The following PCDHGA12 variants were observed in gnomAD, a reference collection of about 807,000 sequenced individuals.
The protein encoded by PCDHGA12 is protocadherin gamma-A12.
A neutral mutation model predicts 61.1 loss-of-function variants in PCDHGA12; 43 were observed. The ratio of observed to expected loss-of-function variants is 0.70; its 90% CI spans 0.55 to 0.91. The LOEUF (loss-of-function observed/expected upper bound fraction) is 0.91. PCDHGA12 is among the 40% of genes least tolerant of loss of function. The pLI, the probability that PCDHGA12 is intolerant of heterozygous loss-of-function variation, is 0.00. For synonymous variants in PCDHGA12, 520 were observed against 542.9 expected (o/e 0.96, Z 0.59); for missense variants, 1,236 against 1,227.7 (o/e 1.01, Z -0.10).
intron 2 of PCDHGA12, among the ~76,000 whole-genome samples, chr5:141,495,943 C>T (rs998665622): frequency 3.9e-5 from 6 of 152,010 alleles, no homozygotes; most frequent in African/African-American, 1.4e-4. Flanking sequence ...GTCTCTGTGC[C>T]TGTTGTCTTT....
intron 2 of PCDHGA12, among the ~76,000 whole-genome samples, chr5:141,497,175 A>T (rs2154592067): frequency 6.7e-6 from 1 of 150,262 alleles, no homozygotes; most frequent in East Asian, 1.9e-4. Context: ...AAATCACAGT[A>T]AGTTCTGAGA....
rs760680204 is a variant in PCDHGA12, at chr5:141,477,505, CG to C, written c.2425-17301del. ...CACAATCTTCTCAATCTTCCTACGA[CG>C]TTTACATTGAAGAAAACAACCTCCC... On this transcript the variant is annotated intron_variant, in intron 1 of 3. Coordinates refer to ENST00000252085, the MANE Select transcript of PCDHGA12 (RefSeq NM_003735.3). The surrounding 1 kb of genome is among the most constrained non-coding windows in gnomAD (Gnocchi z 4.9). The C allele has an allele frequency of 1.2e-5, 19 of 1,614,008 alleles. No individual in the cohort carries two copies. The highest frequency in any genetic ancestry group is 8.5e-7 in the Non-Finnish European group (1 of 1,180,018).
chr5:141,504,077 G>A (rs939470644), intron 2 of PCDHGA12, among the ~76,000 whole-genome samples: 3 of 152,124 alleles, frequency 2.0e-5, no homozygotes, highest in Non-Finnish European at 2.9e-5. Context: ...GCCAGATGGT[G>A]CCAAACAGTT....
intron 1 of PCDHGA12, among the ~76,000 whole-genome samples, chr5:141,456,303 G>A (rs941370138): frequency 6.6e-6 from 1 of 152,156 alleles, no homozygotes; most frequent in Non-Finnish European, 1.5e-5. Flanking sequence ...ATGGAGAACA[G>A]CAGCTAGGGC....
At chr5:141,497,129 T>G (rs528066007) in intron 2 of PCDHGA12, among the ~76,000 whole-genome samples, 1 of 151,692 alleles carries the variant, frequency 6.6e-6, no homozygotes, top group Admixed American at 6.6e-5. Flanking sequence ...GAGGTTGCAG[T>G]GAGCTGAGAT....
rs753051237 is a variant in PCDHGA12, at chr5:141,490,422, A to G, written c.2425-4385A>G. On this transcript the variant is annotated intron_variant, in intron 1 of 3. Coordinates refer to ENST00000252085, the MANE Select transcript of PCDHGA12 (RefSeq NM_003735.3). This position sits in a 1 kb window ranked among gnomAD's most constrained non-coding sequence, Gnocchi z 5.4. Reference sequence around the variant, plus strand: ...GCCTTGATATCTCTCCGGACCTGCCATTTCAGATTAAGCCTTCTGAGAACC... The same window carrying G: ...GCCTTGATATCTCTCCGGACCTGCCGTTTCAGATTAAGCCTTCTGAGAACC... 1 of 1,614,178 alleles carries G rather than the reference A, an allele frequency of 6.2e-7. No individual in the cohort carries two copies. The highest frequency in any genetic ancestry group is 1.7e-5 in the Admixed American group (1 of 60,030).
Position 141,496,980 on chromosome 5 carries a change from G to A in PCDHGA12, c.2483+2115G>A, listed in dbSNP as rs186715298. On this transcript the variant is annotated intron_variant, in intron 2 of 3. Coordinates refer to ENST00000252085, the MANE Select transcript of PCDHGA12 (RefSeq NM_003735.3). ...GTGGGTAGATCACTTGAGGTCAGGG[G>A]TTTGAGACCAGCCTGGCAGCCAACA... Among the ~76,000 whole-genome samples the A allele has an allele frequency of 1.6e-3, 236 of 152,074 alleles. 2 individuals are homozygous for A. Among genetic ancestry groups the A allele is most frequent in the South Asian group, 7.5e-3 (36 of 4,814 alleles).
chr5:141,459,285 A>G (rs1316912878), intron 1 of PCDHGA12, among the ~76,000 whole-genome samples: 1 of 152,202 alleles, frequency 6.6e-6, no homozygotes, highest in Non-Finnish European at 1.5e-5. Context: ...TTTCATCTAA[A>G]TGGAATCCTA....
At position 141,431,667 on chromosome 5, in the gene PCDHGA12, C is replaced by T. The variant is rs759257105; in HGVS notation, c.908C>T (p.Thr303Ile). ...KLDCNSGTISTIGELDHEESG... is the reference protein window; with the variant it reads ...KLDCNSGTISIIGELDHEESG... ...GATTGTAATTCAGGGACAATATCAA[C>T]AATAGGGGAGTTGGACCACGAGGAG... Residue 303 changes from threonine to isoleucine, a missense_variant, in exon 1 of 4, where the codon ACA (threonine) becomes ATA (isoleucine). Coordinates refer to ENST00000252085, the MANE Select transcript of PCDHGA12 (RefSeq NM_003735.3). This position sits in a 1 kb window ranked among gnomAD's most constrained non-coding sequence, Gnocchi z 4.8. 1 of 1,614,226 alleles carries T rather than the reference C, an allele frequency of 6.2e-7. No individual in the cohort carries two copies. The highest frequency in any genetic ancestry group is 1.3e-5 in the African/African-American group (1 of 75,072).
chr5:141,499,466 G>C (rs1337970911), intron 2 of PCDHGA12, among the ~76,000 whole-genome samples: 1 of 152,034 alleles, frequency 6.6e-6, no homozygotes, highest in African/African-American at 2.4e-5. Flanking sequence ...TTACAATCTA[G>C]GGAGAACCAC....
rs180741728 is a variant in PCDHGA12 at position 141,505,088 on chromosome 5, G to A, written c.2484-305G>A. Among the ~76,000 whole-genome samples the A allele has an allele frequency of 3.7e-3, 563 of 152,300 alleles. 5 individuals carry two copies. Among genetic ancestry groups the A allele is most frequent in the Admixed American group, 0.011 (163 of 15,294 alleles). On this transcript the variant is annotated intron_variant, in intron 2 of 3. Coordinates refer to ENST00000252085, the MANE Select transcript of PCDHGA12 (RefSeq NM_003735.3). ...GAGGCAGGAGAATCGCTTGAACCCA[G>A]GAGGTGGATGTTGCAATGAGCCAAG...
At chr5:141,504,743 G>A (rs924744762) in intron 2 of PCDHGA12, among the ~76,000 whole-genome samples, 5 of 151,982 alleles carry the variant, frequency 3.3e-5, no homozygotes, top group African/African-American at 9.7e-5. Context: ...GGAAGCCATT[G>A]AATTTTAGAA....
intron 1 of PCDHGA12, among the ~76,000 whole-genome samples, chr5:141,449,588 C>CAA (rs768743917): frequency 2.4e-4 from 14 of 57,430 alleles, no homozygotes; most frequent in Non-Finnish European, 3.7e-4. Flanking sequence ...GACTCTGTCT[C>CAA]AAAAAAAAAA....
At chr5:141,500,152 A>C (rs1301287171) in intron 2 of PCDHGA12, among the ~76,000 whole-genome samples, 1 of 151,610 alleles carries the variant, frequency 6.6e-6, no homozygotes, top group African/African-American at 2.4e-5. Flanking sequence ...TTCTTTGTGT[A>C]ATCAAAGAAC....
Position 141,502,485 on chromosome 5 carries a change from G to A in PCDHGA12, c.2484-2908G>A, listed in dbSNP as rs187600890. ...AATACTTCCCGCAGCATCACACTGG[G>A]ACTCATCTAACGTCGGCCTGTCCCA... On this transcript the variant is annotated intron_variant, in intron 2 of 3. Coordinates refer to ENST00000252085, the MANE Select transcript of PCDHGA12 (RefSeq NM_003735.3). 8.4e-3 allele frequency among the ~76,000 whole-genome samples: 1,276 copies of A among 152,270 alleles called. 22 individuals carry two copies. Among genetic ancestry groups the A allele is most frequent in the African/African-American group, 0.028 (1,151 of 41,542 alleles).
chr5:141,492,464 C>G (rs1595116794), intron 1 of PCDHGA12, among the ~76,000 whole-genome samples: 1 of 152,354 alleles, frequency 6.6e-6, no homozygotes, highest in Non-Finnish European at 1.5e-5. Context: ...GCCTGAGGGT[C>G]CCAGATCGCG....
intron 1 of PCDHGA12, among the ~76,000 whole-genome samples, chr5:141,480,115 G>A (rs1164458958): frequency 6.6e-6 from 1 of 152,110 alleles, no homozygotes; most frequent in African/African-American, 2.4e-5. Flanking sequence ...CATGGTGCCT[G>A]GCATATCATA....
rs147534370 is a variant in PCDHGA12 at position 141,511,170 on chromosome 5, G to A, written c.2796G>A (p.Lys932=). ...AGAAGTCGGGCAAGAAGGAGAAGAA[G>A]TAACATGGAGGCCAGGCCAAGAGCC... ...NKKKSGKKEK[K] The change falls in exon 4 of 4, where the codon AAG becomes AAA. Residue 932 remains lysine (K), a synonymous_variant. Coordinates refer to ENST00000252085, the MANE Select transcript of PCDHGA12 (RefSeq NM_003735.3). 1.9e-6 allele frequency: 3 copies of A among 1,613,988 alleles called. No homozygotes were observed. The highest frequency in any genetic ancestry group is 2.5e-6 in the Non-Finnish European group (3 of 1,179,990).
Position 141,430,800 on chromosome 5 carries a change from T to C in PCDHGA12, c.41T>C (p.Val14Ala), listed in dbSNP as rs770490590. 2.6e-6 allele frequency: 4 copies of C among 1,524,818 alleles called. No homozygotes were observed. In the South Asian group the frequency reaches 5.3e-5, roughly 20 times the overall value. 94.5% of individuals were successfully genotyped at this position (1,524,818 alleles called of 1,614,324 possible). A position where few individuals can be genotyped will look rare whatever the true frequency, so the allele number is the denominator to read the frequency against. ...ARLHRDYKGL[V>A]LLGILLGTLW... ...CTGCACCGGGACTACAAAGGGCTTG[T>C]CCTGCTGGGAATCCTCCTGGGGACT... is the stretch of plus-strand genomic sequence containing the variant. The change falls in exon 1 of 4, where the codon GTC becomes GCC. Residue 14 changes from valine to alanine, a missense_variant. Physicochemically the swap from Val to Ala is moderately conservative, Grantham distance 64. Transcript: ENST00000252085.
Sources: allele counts gnomAD v4.1 joint callset (sites outside exome capture counted in the v4.1 genomes callset), GRCh38; gene constraint gnomAD v4.1.1; non-coding constraint Gnocchi (gnomAD v3.1); transcripts MANE v1.5; gene names NCBI Gene and HGNC (gene_info 2026-07-23, HGNC 2026-07-21).